The following FLRT3 variants were observed in gnomAD, a reference collection of about 807,000 sequenced individuals.
FLRT3 encodes the protein fibronectin leucine rich transmembrane protein 3.
FLRT3 carries 17 observed loss-of-function variants against 42.6 expected under a neutral mutation model. That is an observed-to-expected ratio of 0.40 (90% CI 0.27 to 0.60). The LOEUF (loss-of-function observed/expected upper bound fraction) is 0.60, where lower values mean the gene tolerates loss of function less well. Among genes scored for constraint, FLRT3 ranks in the 20% least tolerant of loss-of-function variants. The probability of loss-of-function intolerance (pLI) is 0.44; values close to 1 mark genes in which losing one functional copy is unlikely to be tolerated. For missense variants in FLRT3, 635 were observed against 789.2 expected, an observed-to-expected ratio of 0.80 and a Z score of 2.34; for synonymous variants, 279 against 286.4, an observed-to-expected ratio of 0.97 and a Z score of 0.26.
chr20:14,325,898 C>G lies in FLRT3; in HGVS notation c.1609G>C (p.Val537Leu). 1 of 1,613,976 alleles carries G rather than the reference C, an allele frequency of 6.2e-7. No individual in the cohort carries two copies. The highest frequency in any genetic ancestry group is 8.5e-7 in the Non-Finnish European group (1 of 1,179,896). ...AGAAGGGCAATGGTAACCAGGGCCA[C>G]AGCCCCACCAATGATGGCAGCCAAA... Reference protein sequence around the residue: ...LPLAAIIGGAVALVTIALLAL... With the variant: ...LPLAAIIGGALALVTIALLAL... Residue 537 changes from valine (V) to leucine (L), a missense_variant, in exon 3 of 3, where the codon GTG becomes CTG. Physicochemically the swap from Val to Leu is conservative, Grantham distance 32. Transcript: ENST00000341420.
At position 14,326,314 on chromosome 20, in the gene FLRT3, T is replaced by C. The variant is rs2082734303; in HGVS notation, c.1193A>G (p.Lys398Arg). ...QPDIKNPKLT[K>R]DHQTTGSPSR... ...GGGACTCCCTGTGGTTTGGTGATCC[T>C]TAGTGAGCTTGGGGTTCTTAATATC... Residue 398 changes from lysine to arginine, a missense_variant, in exon 3 of 3, where the codon AAG (lysine) becomes AGG (arginine). By Grantham distance (26) the Lys-to-Arg change is conservative. Coordinates refer to ENST00000341420, the MANE Select transcript of FLRT3 (RefSeq NM_198391.3). This position sits in a 1 kb window ranked among gnomAD's most constrained non-coding sequence, Gnocchi z 5.5. 1 of 1,613,754 alleles carries C rather than the reference T, an allele frequency of 6.2e-7. No homozygotes were observed. The highest frequency in any genetic ancestry group is 1.3e-5 in the African/African-American group (1 of 74,904).
In FLRT3 at chr20:14,327,459, C is replaced by T; in HGVS notation, c.48G>A (p.Gly16=). The T allele has an allele frequency of 1.2e-6, 2 of 1,613,380 alleles. No homozygotes were observed. The highest frequency in any genetic ancestry group is 1.7e-6 in the Non-Finnish European group (2 of 1,179,574). The change falls in exon 3 of 3, where the codon GGG becomes GGA. Residue 16 remains glycine (G), a synonymous_variant. Transcript: ENST00000341420. ...ATAGAGGTGCTACTTGAAGGAACAG[C>T]CCAATTTTAGTCCCGATGAGGAAGA... ...WSIFLIGTKI[G]LFLQVAPLSV... is the part of the protein sequence containing the mutation.
intron 2 of FLRT3, among the ~76,000 whole-genome samples, chr20:14,328,712 A>C (rs1792479285): frequency 6.6e-6 from 1 of 151,972 alleles, no homozygotes; most frequent in Non-Finnish European, 1.5e-5. Flanking sequence ...TATTCAAGTA[A>C]TCCTATGGCG....
At chr20:14,337,368 G>A (rs1162981752) in intron 1 of FLRT3, 36 bp downstream of exon 1, 2 of 316,338 alleles carry the variant, frequency 6.3e-6, no homozygotes, top group Admixed American at 1.0e-4. Context: ...CAAACTTTCT[G>A]GGACAATCAT....
chr20:14,332,472 AGATT>A (rs1358774605), intron 1 of FLRT3, among the ~76,000 whole-genome samples: 5 of 152,174 alleles, frequency 3.3e-5, no homozygotes, highest in African/African-American at 9.6e-5. Flanking sequence ...AATATTACTT[AGATT>A]AAGATGAAGC....
rs1281302896 is a variant in FLRT3, at chr20:14,325,880, C to T, written c.1627G>A (p.Ala543Thr). The change falls in exon 3 of 3, where the codon GCC (alanine) becomes ACC (threonine). Residue 543 changes from alanine (A) to threonine (T), a missense_variant. Coordinates refer to ENST00000341420, the MANE Select transcript of FLRT3 (RefSeq NM_198391.3). ...IGGAVALVTI[A>T]LLALVCWYVH... ...TACCAACACACTAAAGCAAGAAGGG[C>T]AATGGTAACCAGGGCCACAGCCCCA... is the stretch of plus-strand genomic sequence containing the variant. 1.2e-6 allele frequency: 2 copies of T among 1,613,814 alleles called. No homozygotes were observed. The highest frequency in any genetic ancestry group is 1.7e-6 in the Non-Finnish European group (2 of 1,179,896).
Position 14,327,386 on chromosome 20 carries a change from A to C in FLRT3, c.121T>G (p.Phe41Val), listed in dbSNP as rs771467514. 41 of 1,613,584 alleles carry C rather than the reference A, an allele frequency of 2.5e-5. No homozygotes were observed. Among genetic ancestry groups the C allele is most frequent in the Non-Finnish European group, 3.5e-5 (41 of 1,179,706 alleles). The change falls in exon 3 of 3, where the codon TTC (phenylalanine) becomes GTC (valine). Residue 41 changes from phenylalanine to valine, a missense_variant. By Grantham distance (50) the Phe-to-Val change is conservative. Coordinates refer to ENST00000341420, the MANE Select transcript of FLRT3 (RefSeq NM_198391.3). Reference protein sequence around the residue: ...CPSVCRCDAGFIYCNDRFLTS... With the variant: ...CPSVCRCDAGVIYCNDRFLTS... ...AGAAAGCGATCATTACAGTAAATGA[A>C]ACCCGCATCGCAGCGACACACAGAT...
intron 1 of FLRT3, among the ~76,000 whole-genome samples, chr20:14,330,065 A>G (rs2082805654): frequency 6.6e-6 from 1 of 152,070 alleles, no homozygotes; most frequent in Non-Finnish European, 1.5e-5. Context: ...TATTTGAAAT[A>G]GAAGGGACAC....
In FLRT3 at chr20:14,328,488, T is replaced by A. The variant is rs1050113803; in HGVS notation, c.-53+646A>T. Among the ~76,000 whole-genome samples the A allele has an allele frequency of 3.9e-5, 6 of 152,272 alleles. No individual in the cohort carries two copies. In the East Asian group the frequency reaches 1.2e-3, roughly 29 times the overall value. Reference sequence around the variant, plus strand: ...CTGGCAAAGTATAGATTTATACTGATGTATTGTGTAATATAGTCTCTTCTG... The same window carrying A: ...CTGGCAAAGTATAGATTTATACTGAAGTATTGTGTAATATAGTCTCTTCTG... On this transcript the variant is annotated intron_variant, in intron 2 of 2. Transcript: ENST00000341420.
At chr20:14,330,802 T>A (rs1231660922) in intron 1 of FLRT3, among the ~76,000 whole-genome samples, 2 of 152,084 alleles carry the variant, frequency 1.3e-5, no homozygotes, top group African/African-American at 4.8e-5. Context: ...CAAATTCCAA[T>A]AGTATCTTTT....
chr20:14,332,910 A>C (rs572684716), intron 1 of FLRT3, among the ~76,000 whole-genome samples: 13 of 152,264 alleles, frequency 8.5e-5, no homozygotes, highest in African/African-American at 3.1e-4. Flanking sequence ...CCTTTGCAAC[A>C]ACAAACGGTA....
At chr20:14,336,523 CTT>C (rs1194294919) in intron 1 of FLRT3, among the ~76,000 whole-genome samples, 1 of 152,082 alleles carries the variant, frequency 6.6e-6, no homozygotes, top group Non-Finnish European at 1.5e-5. Flanking sequence ...AAATGCATTT[CTT>C]CCAATATAAG....
At chr20:14,330,132 G>T (rs1030506136) in intron 1 of FLRT3, among the ~76,000 whole-genome samples, 1 of 152,000 alleles carries the variant, frequency 6.6e-6, no homozygotes. Context: ...ACCAGGTGGG[G>T]CATTTCTCTC....
At chr20:14,329,086 A>T (rs2082788017) in intron 2 of FLRT3, 48 bp downstream of exon 2, 2 of 152,100 alleles carry the variant, frequency 1.3e-5, no homozygotes, top group South Asian at 4.1e-4. Flanking sequence ...ATCCAGGATT[A>T]TCCAAGTATA....
chr20:14,330,645 C>T (rs749286552), intron 1 of FLRT3, among the ~76,000 whole-genome samples: 23 of 152,020 alleles, frequency 1.5e-4, no homozygotes, highest in African/African-American at 4.1e-4. Context: ...TTATTATTTA[C>T]GCAACTTGAA....
rs1265115755 is a variant in FLRT3 at position 14,323,946 on chromosome 20, CA to C, written c.*1610del. 7.2e-5 allele frequency: 11 copies of C among 152,246 alleles called. No individual in the cohort carries two copies. The East Asian group carries it at 2.1e-3, about 29-fold the overall frequency. The allele number at this position is 152,246 out of a possible 1,614,324, so 9.4% of individuals were successfully genotyped here. On this transcript the variant is annotated 3_prime_UTR_variant, in exon 3 of 3. Transcript: ENST00000341420. ...ATAAGTAAGAGGAAATACATTTATA[CA>C]TGAAACACTGAACTCTTTGAAGTAA...
At chr20:14,328,075 A>C (rs944337713) in intron 2 of FLRT3, among the ~76,000 whole-genome samples, 1 of 152,092 alleles carries the variant, frequency 6.6e-6, no homozygotes, top group Non-Finnish European at 1.5e-5. Context: ...TATTCTCTTC[A>C]TACTCAGGAA....
Position 14,324,140 on chromosome 20 carries a change from A to T in FLRT3, c.*1417T>A, listed in dbSNP as rs187418065. On this transcript the variant is annotated 3_prime_UTR_variant, in exon 3 of 3. Transcript: ENST00000341420. ...CAAGCACAATTATTCTGTACTTTTT[A>T]AAAGTTTTATTCAGCAATAAGACCA... 426 of 152,750 alleles carry T rather than the reference A, an allele frequency of 2.8e-3. 2 individuals are homozygous for T. Among genetic ancestry groups the T allele is most frequent in the Non-Finnish European group, 2.9e-3 (194 of 68,032 alleles). The allele number at this position is 152,750 out of a possible 1,614,324, so 9.5% of individuals were successfully genotyped here.
At chr20:14,335,787 A>C (rs1404252842) in intron 1 of FLRT3, among the ~76,000 whole-genome samples, 1 of 152,118 alleles carries the variant, frequency 6.6e-6, no homozygotes, top group Non-Finnish European at 1.5e-5. Flanking sequence ...CAAAAAATCA[A>C]ATTTTAGTTT....
Sources: gnomAD v4.1 joint callset for allele counts (sites outside exome capture counted in the v4.1 genomes callset) on GRCh38, gnomAD v4.1.1 for gene constraint, Gnocchi (gnomAD v3.1) non-coding constraint, MANE v1.5 for transcripts, NCBI Gene and HGNC (gene_info 2026-07-23, HGNC 2026-07-21) for gene names.